DLG5: variants seen among roughly 807,000 people sequenced by gnomAD.
DLG5 encodes disks large homolog 5.
Under a neutral mutation model 189.8 loss-of-function variants are expected in DLG5, and 48 were observed. That is an observed-to-expected ratio of 0.25 (90% CI 0.20 to 0.32). DLG5 has a LOEUF of 0.32. Among genes scored for constraint, DLG5 ranks in the 10% least tolerant of loss-of-function variants. The probability of loss-of-function intolerance (pLI) is 1.00; values close to 1 mark genes in which losing one functional copy is unlikely to be tolerated. For synonymous variants in DLG5, 1,016 were observed against 1,054.1 expected, an observed-to-expected ratio of 0.96 and a Z score of 0.70; for missense variants, 2,160 against 2,544.7, an observed-to-expected ratio of 0.85 and a Z score of 3.25.
At chr10:77,903,434 A>T (rs1365061321) in intron 1 of DLG5, among the ~76,000 whole-genome samples, 4 of 151,706 alleles carry the variant, frequency 2.6e-5, no homozygotes, top group African/African-American at 4.8e-5. Flanking sequence ...TCTCAAAAAA[A>T]AAAATAAAAA....
At chr10:77,932,357 C>T in the DLG5 span, among the ~76,000 whole-genome samples, 3 of 152,232 alleles carry the variant, frequency 2.0e-5, no homozygotes, top group East Asian at 1.9e-4. Context: ...AGCACTGTAC[C>T]GGGCATGTGG....
chr10:77,867,417 C>T (rs1247352309), intron 2 of DLG5, among the ~76,000 whole-genome samples: 1 of 152,210 alleles, frequency 6.6e-6, no homozygotes, highest in Non-Finnish European at 1.5e-5. Flanking sequence ...CTTACCCAGT[C>T]CACCTTAAAA....
chr10:77,829,597 TCTCA>T lies in DLG5; in HGVS notation c.2010-71_2010-68del, dbSNP rs10559705. 9,841 of 1,519,016 alleles carry T rather than the reference TCTCA, an allele frequency of 6.5e-3. 566 individuals are homozygous for T. In the African/African-American group the frequency reaches 0.12, roughly 18 times the overall value. The allele number at this position is 1,519,016 out of a possible 1,614,324, so 94.1% of individuals were successfully genotyped here. ...GGGACCAGCGGCTACCGCCCACAACTCTCACTCAGGGGGCTGACTGCCAAGGAGT... is the reference window on the plus strand; with the variant it reads ...GGGACCAGCGGCTACCGCCCACAACTCTCAGGGGGCTGACTGCCAAGGAGT... On this transcript the variant is annotated intron_variant, in intron 11 of 31. Transcript: ENST00000372391.
At chr10:77,880,844 C>A (rs1195652251) in intron 1 of DLG5, among the ~76,000 whole-genome samples, 1 of 151,926 alleles carries the variant, frequency 6.6e-6, no homozygotes, top group Non-Finnish European at 1.5e-5. Context: ...CCACTATCAA[C>A]TCACCTTCTA....
At chr10:77,837,266 A>G (rs2154576155) in intron 7 of DLG5, among the ~76,000 whole-genome samples, 1 of 151,100 alleles carries the variant, frequency 6.6e-6, no homozygotes, top group South Asian at 2.1e-4. Flanking sequence ...TCAAGAATTT[A>G]TGATAAACAA....
intron 12 of DLG5, 44 bp downstream of exon 12, chr10:77,829,311 C>T (rs1264020665): frequency 6.2e-7 from 1 of 1,611,504 alleles, no homozygotes; most frequent in South Asian, 1.1e-5. Context: ...CAAAAAAGGG[C>T]CCCAGCCACC....
the DLG5 span, among the ~76,000 whole-genome samples, chr10:77,937,259 T>A: frequency 6.6e-6 from 1 of 152,160 alleles, no homozygotes. Context: ...TTCTGCCTCC[T>A]CTTTGCCTGT....
At chr10:77,869,472 C>A in intron 1 of DLG5, 2 of 456,424 alleles carry the variant, frequency 4.4e-6, no homozygotes, top group Non-Finnish European at 7.8e-6. Flanking sequence ...GTTGGGACAT[C>A]TGGGGAAAGG....
chr10:77,824,525 G>A, intron 13 of DLG5, 49 bp from the exon 14 acceptor site: 1 of 1,469,290 alleles, frequency 6.8e-7, no homozygotes, highest in Non-Finnish European at 9.5e-7. Flanking sequence ...GCGGCCTCAG[G>A]CCTACCAGTC....
At chr10:77,859,481 A>G (rs940648151) in intron 2 of DLG5, among the ~76,000 whole-genome samples, 3 of 152,142 alleles carry the variant, frequency 2.0e-5, no homozygotes, top group Non-Finnish European at 4.4e-5. Flanking sequence ...TTTATCTTTT[A>G]TTCTGTACTG....
intron 7 of DLG5, among the ~76,000 whole-genome samples, chr10:77,837,410 C>T (rs1843198541): frequency 6.6e-6 from 1 of 151,988 alleles, no homozygotes; most frequent in Non-Finnish European, 1.5e-5. Context: ...GGAGGGAGGC[C>T]CCAGGTGCAG....
the DLG5 span, among the ~76,000 whole-genome samples, chr10:77,940,213 G>A: frequency 6.6e-6 from 1 of 152,158 alleles, no homozygotes; most frequent in South Asian, 2.1e-4. Context: ...GCTTCCTGAT[G>A]TCAACAGCCT....
In DLG5 at chr10:77,821,185, G is replaced by A. The variant is rs146057473; in HGVS notation, c.3299C>T (p.Ser1100Phe). 14 of 1,614,020 alleles carry A rather than the reference G, an allele frequency of 8.7e-6. No individual in the cohort carries two copies. In the Admixed American group the frequency reaches 2.3e-4, roughly 27 times the overall value. Residue 1100 changes from serine (S) to phenylalanine (F), a missense_variant, in exon 15 of 32, where the codon TCC becomes TTC. By Grantham distance (155) the Ser-to-Phe change is radical. Transcript: ENST00000372391. Reference protein sequence around the residue: ...AKKSCDEDLTSQKVDELGQKR... With the variant: ...AKKSCDEDLTFQKVDELGQKR... ...CTGCCCCAGCTCATCCACCTTCTGG[G>A]AGGTGAGGTCCTCATCACAGGATTT...
At chr10:77,836,044 G>T in intron 7 of DLG5, 122 bp from the exon 8 acceptor site, 1 of 1,005,438 alleles carries the variant, frequency 9.9e-7, no homozygotes, top group Non-Finnish European at 1.4e-6. Context: ...GAAACACGGA[G>T]CCCATCGCAG....
chr10:77,826,192 G>A (rs1219727974), intron 13 of DLG5, among the ~76,000 whole-genome samples: 1 of 152,206 alleles, frequency 6.6e-6, no homozygotes, highest in East Asian at 1.9e-4. Flanking sequence ...CTATGAAGTA[G>A]CATGTCAGTG....
chr10:77,808,860 C>T (rs1841608725), intron 24 of DLG5, among the ~76,000 whole-genome samples: 1 of 152,190 alleles, frequency 6.6e-6, no homozygotes. Context: ...TTTGGGAGGC[C>T]GAGGCGGGTG....
chr10:77,872,448 C>T (rs1005018476), intron 1 of DLG5, among the ~76,000 whole-genome samples: 4 of 152,188 alleles, frequency 2.6e-5, no homozygotes, highest in African/African-American at 7.2e-5. Context: ...ACCAGGGCAG[C>T]GTGACATCTT....
In DLG5 at chr10:77,820,940, C is replaced by G. The variant is rs1477374072; in HGVS notation, c.3402+142G>C. On this transcript the variant is annotated intron_variant, in intron 15 of 31. Coordinates refer to ENST00000372391, the MANE Select transcript of DLG5 (RefSeq NM_004747.4). ...ACCTACCTCCTAGCTGGGCCACTTC[C>G]CACTTGAGTCCAACAGCAAAGGCAA... 18 of 1,156,726 alleles carry G rather than the reference C, an allele frequency of 1.6e-5. No individual in the cohort carries two copies. The East Asian group carries it at 4.1e-4, about 26-fold the overall frequency. The allele number at this position is 1,156,726 out of a possible 1,614,324, so 71.7% of individuals were successfully genotyped here.
chr10:77,883,310 G>A (rs1845338779), intron 1 of DLG5, among the ~76,000 whole-genome samples: 1 of 152,170 alleles, frequency 6.6e-6, no homozygotes, highest in South Asian at 2.1e-4. Context: ...TGGTGCTGAG[G>A]TTTGTGGTTG....
Sources: allele counts gnomAD v4.1 joint callset (sites outside exome capture counted in the v4.1 genomes callset), GRCh38; gene constraint gnomAD v4.1.1; transcripts MANE v1.5; gene names NCBI Gene and HGNC (gene_info 2026-07-23, HGNC 2026-07-21).